ANO10: variants seen among roughly 807,000 people sequenced by gnomAD.
ANO10 encodes the protein anoctamin 10.
In ANO10, 77 loss-of-function variants were observed where a neutral mutation model predicts 74.7. That is an observed-to-expected ratio of 1.03 (90% CI 0.86 to 1.25). The LOEUF (loss-of-function observed/expected upper bound fraction) is 1.25, where lower values mean the gene tolerates loss of function less well. ANO10 is among the 50% of genes most tolerant of loss of function. The probability of loss-of-function intolerance (pLI) is 0.00; values close to 1 mark genes in which losing one functional copy is unlikely to be tolerated. For missense variants in ANO10, 721 were observed against 778.1 expected, an observed-to-expected ratio of 0.93 and a Z score of 0.87; for synonymous variants, 279 against 284.9, an observed-to-expected ratio of 0.98 and a Z score of 0.21.
intron 11 of ANO10, among the ~76,000 whole-genome samples, chr3:43,545,990 G>A (rs2079173954): frequency 1.3e-5 from 2 of 152,142 alleles, no homozygotes; most frequent in African/African-American, 4.8e-5. Context: ...TGAGGTCTCA[G>A]CAACACTAGA....
chr3:43,542,903 A>G (rs2079017799), intron 11 of ANO10, among the ~76,000 whole-genome samples: 1 of 152,208 alleles, frequency 6.6e-6, no homozygotes, highest in Admixed American at 6.5e-5. Flanking sequence ...GAGAGTGGTA[A>G]CAAGACCTGC....
At chr3:43,597,477 C>G (rs962955369) in intron 4 of ANO10, among the ~76,000 whole-genome samples, 1 of 152,048 alleles carries the variant, frequency 6.6e-6, no homozygotes, top group African/African-American at 2.4e-5. Context: ...ATGGATGAAG[C>G]TGGAAACCAT....
chr3:43,500,743 C>A (rs1273127112), intron 11 of ANO10, among the ~76,000 whole-genome samples: 1 of 152,196 alleles, frequency 6.6e-6, no homozygotes, highest in East Asian at 1.9e-4. Context: ...TGCACAAACA[C>A]AACCATTACA....
chr3:43,606,184 A>G (rs1294428318), intron 1 of ANO10, among the ~76,000 whole-genome samples: 2 of 152,254 alleles, frequency 1.3e-5, no homozygotes, highest in Non-Finnish European at 2.9e-5. Context: ...AGAATGTGAC[A>G]TCTGAACAGG....
chr3:43,572,426 C>A (rs1323096260), intron 7 of ANO10, among the ~76,000 whole-genome samples: 1 of 152,174 alleles, frequency 6.6e-6, no homozygotes, highest in Non-Finnish European at 1.5e-5. Flanking sequence ...GGCAAGGGGG[C>A]CCCTGCCACA....
intron 11 of ANO10, among the ~76,000 whole-genome samples, chr3:43,460,084 G>A (rs1374514902): frequency 6.6e-6 from 1 of 152,174 alleles, no homozygotes; most frequent in Non-Finnish European, 1.5e-5. Context: ...CCATAATAAT[G>A]AGGGAAATGG....
chr3:43,524,734 G>A (rs2078114504), intron 11 of ANO10, among the ~76,000 whole-genome samples: 1 of 152,078 alleles, frequency 6.6e-6, no homozygotes, highest in Non-Finnish European at 1.5e-5. Context: ...CCAAAACACA[G>A]ATCTCTTCCA....
At chr3:43,592,718 C>T (rs567846043) in intron 4 of ANO10, among the ~76,000 whole-genome samples, 8 of 152,330 alleles carry the variant, frequency 5.3e-5, no homozygotes, top group Admixed American at 3.3e-4. Flanking sequence ...TGCAGCTCCT[C>T]GCCAGCAACA....
intron 1 of ANO10, among the ~76,000 whole-genome samples, chr3:43,671,626 TATC>T (rs2084060566): frequency 6.6e-6 from 1 of 152,204 alleles, no homozygotes; most frequent in Admixed American, 6.6e-5. Context: ...CTACAGGTGT[TATC>T]ATGATAACTA....
intron 11 of ANO10, among the ~76,000 whole-genome samples, chr3:43,448,095 T>A (rs2148986841): frequency 6.6e-6 from 1 of 152,318 alleles, no homozygotes; most frequent in South Asian, 2.1e-4. Flanking sequence ...TAGAGCTTCC[T>A]CTGTCTACCA....
chr3:43,420,471 C>G (rs562123770), intron 12 of ANO10, among the ~76,000 whole-genome samples: 13 of 148,526 alleles, frequency 8.8e-5, no homozygotes, highest in Admixed American at 4.0e-4. Context: ...AAAAGAAAAA[C>G]AAAAACAAAA....
chr3:43,416,222 A>G (rs1390412695), intron 12 of ANO10, among the ~76,000 whole-genome samples: 1 of 152,240 alleles, frequency 6.6e-6, no homozygotes. Context: ...AAGTGTCTAC[A>G]AATCTACGCA....
chr3:43,432,603 G>C lies in ANO10; in HGVS notation c.1914+8C>G. 1.9e-6 allele frequency: 3 copies of C among 1,583,458 alleles called. No individual in the cohort carries two copies. The highest frequency in any genetic ancestry group is 2.6e-6 in the Non-Finnish European group (3 of 1,152,020). On this transcript the variant is annotated splice_region_variant and intron_variant, in intron 12 of 12. Transcript: ENST00000292246. Reference sequence around the variant, plus strand: ...CAATACATACATTTTCAGGACAGCTGCTCTCACCTGCTGCTTGAGTGCCTC... The same window carrying C: ...CAATACATACATTTTCAGGACAGCTCCTCTCACCTGCTGCTTGAGTGCCTC...
chr3:43,431,050 A>G (rs551505664), intron 12 of ANO10, among the ~76,000 whole-genome samples: 1 of 151,538 alleles, frequency 6.6e-6, no homozygotes, highest in South Asian at 2.1e-4. Flanking sequence ...ATTTATTTTT[A>G]GCTATATAAT....
At chr3:43,632,072 CAA>C (rs1160264969) in intron 1 of ANO10, among the ~76,000 whole-genome samples, 5,462 of 70,174 alleles carry the variant, frequency 0.078, 114 homozygotes, top group South Asian at 0.11. Context: ...GACTCTGTCT[CAA>C]AAAAAAAAAA....
intron 1 of ANO10, among the ~76,000 whole-genome samples, chr3:43,607,335 A>G (rs1161951448): frequency 7.6e-6 from 1 of 132,110 alleles, no homozygotes; most frequent in Admixed American, 7.4e-5. Context: ...GACCCTGTCT[A>G]AAAAAAAAAA....
At chr3:43,655,251 G>A (rs1164005770) in intron 1 of ANO10, among the ~76,000 whole-genome samples, 2 of 152,104 alleles carry the variant, frequency 1.3e-5, no homozygotes, top group African/African-American at 2.4e-5. Context: ...GTGGACCCTC[G>A]CGGTGAGTGT....
At chr3:43,477,908 C>G (rs1400114351) in intron 11 of ANO10, among the ~76,000 whole-genome samples, 1 of 152,182 alleles carries the variant, frequency 6.6e-6, no homozygotes, top group Non-Finnish European at 1.5e-5. Flanking sequence ...ACCAGAGGCA[C>G]ACATAGGGAG....
chr3:43,577,211 A>C lies in ANO10; in HGVS notation c.643T>G (p.Leu215Val), dbSNP rs750255597. ...GETIALYFGF[L>V]EYFTFALIPM... ...ATTAATGCAAAAGTGAAATACTCCA[A>C]AAATCCAAAGTACAGAGCAATTGTT... is the stretch of plus-strand genomic sequence containing the variant. The change falls in exon 6 of 13, where the codon TTG becomes GTG. Residue 215 changes from leucine to valine, a missense_variant. Physicochemically the swap from Leu to Val is conservative, Grantham distance 32. Transcript: ENST00000292246. 1 of 1,614,214 alleles carries C rather than the reference A, an allele frequency of 6.2e-7. No homozygotes were observed. Among genetic ancestry groups the C allele is most frequent in the South Asian group, 1.1e-5 (1 of 91,090 alleles).
Sources: gnomAD v4.1 joint callset for allele counts (sites outside exome capture counted in the v4.1 genomes callset) on GRCh38, gnomAD v4.1.1 for gene constraint, MANE v1.5 for transcripts, NCBI Gene and HGNC (gene_info 2026-07-23, HGNC 2026-07-21) for gene names.